Variants in HCK observed in about 807,000 individuals in gnomAD.
HCK encodes HCK proto-oncogene, Src family tyrosine kinase.
HCK carries 40 observed loss-of-function variants against 70.4 expected under a neutral mutation model. That is an observed-to-expected ratio of 0.57 (90% CI 0.44 to 0.74). HCK has a LOEUF of 0.74. Ranked by LOEUF, HCK falls within the 30% of genes least tolerant of loss-of-function variation. The pLI is 0.00. For missense variants in HCK, 568 were observed against 697.2 expected, an observed-to-expected ratio of 0.81 and a Z score of 2.09; for synonymous variants, 245 against 263.2, an observed-to-expected ratio of 0.93 and a Z score of 0.67.
chr20:32,073,216 G>C (rs1233766828), intron 2 of HCK, 103 bp from the exon 3 acceptor site: 1 of 953,114 alleles, frequency 1.0e-6, no homozygotes, highest in East Asian at 2.5e-5. Context: ...ACGACATGCA[G>C]GGCTAGGGTA....
intron 1 of HCK, among the ~76,000 whole-genome samples, chr20:32,066,404 C>G (rs549417167): frequency 1.4e-5 from 2 of 141,360 alleles, no homozygotes; most frequent in Non-Finnish European, 3.0e-5. Flanking sequence ...CTCTGCTTCC[C>G]GGGTTCAAGC....
At chr20:32,092,022 G>A (rs1397777434) in intron 10 of HCK, among the ~76,000 whole-genome samples, 1 of 151,940 alleles carries the variant, frequency 6.6e-6, no homozygotes, top group Non-Finnish European at 1.5e-5. Context: ...AGCAAAGCAT[G>A]GGTCTCCATT....
At chr20:32,077,432 G>A (rs759781577) in intron 5 of HCK, among the ~76,000 whole-genome samples, 8 of 152,090 alleles carry the variant, frequency 5.3e-5, no homozygotes, top group Non-Finnish European at 1.0e-4. Flanking sequence ...ATCTCTTCCC[G>A]CTTATCTCAC....
chr20:32,096,453 T>C (rs1024327234), intron 11 of HCK, among the ~76,000 whole-genome samples: 6 of 146,340 alleles, frequency 4.1e-5, no homozygotes, highest in African/African-American at 1.5e-4. Flanking sequence ...TGAGCCGAGA[T>C]TGTGCCATTG....
intron 9 of HCK, 152 bp from the exon 10 acceptor site, chr20:32,088,416 A>G (rs539233694): frequency 1.0e-5 from 6 of 584,850 alleles, no homozygotes; most frequent in African/African-American, 1.9e-5. Context: ...TTTCTCAAAC[A>G]CTAGGAATTG....
At chr20:32,088,278 T>C (rs1329849401) in intron 9 of HCK, among the ~76,000 whole-genome samples, 1 of 152,170 alleles carries the variant, frequency 6.6e-6, no homozygotes, top group Non-Finnish European at 1.5e-5. Context: ...CTCAAGCCTT[T>C]TTCATTTTAA....
intron 9 of HCK, among the ~76,000 whole-genome samples, chr20:32,087,492 G>A (rs143375861): frequency 9.2e-5 from 14 of 152,004 alleles, no homozygotes; most frequent in African/African-American, 3.4e-4. Context: ...TTAGAGACAG[G>A]GTTGCCCTCT....
intron 8 of HCK, 137 bp from the exon 9 acceptor site, chr20:32,086,491 A>G (rs2045788386): frequency 1.4e-6 from 1 of 705,714 alleles, no homozygotes; most frequent in African/African-American, 1.8e-5. Flanking sequence ...TAAGCCCATG[A>G]TTTCGCTTCC....
At chr20:32,086,498 T>C in intron 8 of HCK, 130 bp from the exon 9 acceptor site, 3 of 749,452 alleles carry the variant, frequency 4.0e-6, no homozygotes, top group African/African-American at 1.8e-5. Context: ...ATGATTTCGC[T>C]TCCCTCTCTG....
At chr20:32,092,561 A>G (rs1358681885) in intron 10 of HCK, among the ~76,000 whole-genome samples, 1 of 152,170 alleles carries the variant, frequency 6.6e-6, no homozygotes, top group Non-Finnish European at 1.5e-5. Flanking sequence ...GGTGATCTTT[A>G]AATGTACATC....
intron 2 of HCK, 130 bp downstream of exon 2, chr20:32,071,912 C>T: frequency 8.8e-7 from 1 of 1,141,684 alleles, no homozygotes; most frequent in Non-Finnish European, 1.2e-6. Flanking sequence ...TGGCCACCAA[C>T]AGTGTCCTGA....
intron 6 of HCK, among the ~76,000 whole-genome samples, chr20:32,083,123 T>A (rs2122572102): frequency 6.6e-6 from 1 of 152,250 alleles, no homozygotes; most frequent in East Asian, 1.9e-4. Flanking sequence ...AGTCCCTTCC[T>A]GACATCTGTC....
chr20:32,072,170 A>G (rs1368124080), intron 2 of HCK: 1 of 198,190 alleles, frequency 5.0e-6, no homozygotes, highest in Non-Finnish European at 1.0e-5. Context: ...AACAATTGTC[A>G]TACTAATAGT....
At chr20:32,074,512 C>T in intron 4 of HCK, 111 bp from the exon 5 acceptor site, 2 of 758,344 alleles carry the variant, frequency 2.6e-6, no homozygotes, top group South Asian at 1.5e-5. Context: ...TGTCCTTCAC[C>T]CTACTGGCTT....
At chr20:32,083,773 G>A in intron 6 of HCK, 121 bp from the exon 7 acceptor site, 1 of 1,176,322 alleles carries the variant, frequency 8.5e-7, no homozygotes, top group Admixed American at 1.8e-5. Flanking sequence ...CAGACCCTCG[G>A]GCACTTCTGC....
At chr20:32,060,267 C>T (rs2045348640) in intron 1 of HCK, among the ~76,000 whole-genome samples, 1 of 152,234 alleles carries the variant, frequency 6.6e-6, no homozygotes, top group Non-Finnish European at 1.5e-5. Flanking sequence ...GTTGCCCAGG[C>T]TGGAGTGCAG....
intron 1 of HCK, among the ~76,000 whole-genome samples, chr20:32,059,409 T>TTC (rs960908878): frequency 5.8e-5 from 5 of 86,854 alleles, no homozygotes; most frequent in South Asian, 4.7e-4. Context: ...CCTTTCTTCT[T>TTC]TCTCTCTCTC....
intron 1 of HCK, among the ~76,000 whole-genome samples, chr20:32,065,064 A>T (rs1258675125): frequency 6.6e-6 from 1 of 152,268 alleles, no homozygotes; most frequent in East Asian, 1.9e-4. Context: ...AAGCCTGAGA[A>T]GCAAGGCCTC....
intron 5 of HCK, among the ~76,000 whole-genome samples, chr20:32,077,194 G>A (rs902518732): frequency 2.6e-5 from 4 of 152,204 alleles, no homozygotes; most frequent in Non-Finnish European, 4.4e-5. Context: ...CCTCTGGGGA[G>A]CACAACTGGG....
Sources: gnomAD v4.1 joint callset for allele counts (sites outside exome capture counted in the v4.1 genomes callset) on GRCh38, gnomAD v4.1.1 for gene constraint, MANE v1.5 for transcripts, NCBI Gene and HGNC (gene_info 2026-07-23, HGNC 2026-07-21) for gene names.